Variants in OSMR observed in about 807,000 individuals in gnomAD.
OSMR encodes the protein oncostatin-M-specific receptor subunit beta.
In OSMR, 81 loss-of-function variants were observed where a neutral mutation model predicts 99.9. The ratio of observed to expected loss-of-function variants is 0.81; its 90% confidence interval spans 0.68 to 0.97. The LOEUF is 0.97. OSMR is among the 50% of genes least tolerant of loss of function. OSMR has a pLI of 0.00. For missense variants in OSMR, 1,099 were observed against 1,153.4 expected (o/e 0.95, Z 0.68); for synonymous variants, 406 against 410.4 (o/e 0.99, Z 0.13).
chr5:38,926,677 AAGATG>A (rs1273472434), intron 15 of OSMR, among the ~76,000 whole-genome samples: 1 of 152,200 alleles, frequency 6.6e-6, no homozygotes, highest in Non-Finnish European at 1.5e-5. Context: ...GCTGAAATAT[AAGATG>A]AGATTTGGGT....
intron 13 of OSMR, 34 bp downstream of exon 13, chr5:38,923,288 A>T: frequency 7.9e-7 from 1 of 1,262,146 alleles, no homozygotes; most frequent in Non-Finnish European, 1.2e-6. Flanking sequence ...CCCCATGTGC[A>T]GACTTGTTCA....
chr5:38,942,449 C>A, intron 1 of OSMR: 14 of 790,974 alleles, frequency 1.8e-5, no homozygotes, highest in Non-Finnish European at 2.7e-5. Flanking sequence ...ATATAAATAT[C>A]TAATTTTTTT....
chr5:38,899,029 T>C (rs6890566), intron 7 of OSMR, among the ~76,000 whole-genome samples: 43,132 of 147,920 alleles, frequency 0.29, 6,964 homozygotes, highest in East Asian at 0.5. Flanking sequence ...GGTGCGATTT[T>C]AGCTCACTGC....
chr5:38,921,377 G>T, intron 11 of OSMR: 2 of 477,690 alleles, frequency 4.2e-6, no homozygotes, highest in Non-Finnish European at 5.5e-6. Context: ...AAGTCTGGTT[G>T]GGCTTCAGAA....
chr5:38,942,725 G>T, intron 1 of OSMR: 2 of 876,222 alleles, frequency 2.3e-6, no homozygotes, highest in Non-Finnish European at 3.6e-6. Flanking sequence ...CAAAGTGCTG[G>T]GATTGTAGGC....
intron 13 of OSMR, 152 bp from the exon 14 acceptor site, chr5:38,924,270 C>A (rs1339621374): frequency 1.3e-6 from 2 of 1,494,076 alleles, no homozygotes; most frequent in Non-Finnish European, 1.8e-6. Context: ...TGTCAAGGCA[C>A]AAATCCTCTA....
At position 38,883,872 on chromosome 5, in the gene OSMR, A is replaced by C. The variant is rs1435237716; in HGVS notation, c.464A>C (p.Asp155Ala). The change falls in exon 5 of 18, where the codon GAT becomes GCT. Residue 155 changes from aspartate to alanine, a missense_variant. Asp to Ala is a moderately radical substitution (Grantham distance 126). Coordinates refer to ENST00000274276, the MANE Select transcript of OSMR (RefSeq NM_003999.3). Reference protein sequence around the residue: ...GQDILFVFPKDKLVEEGTNVT... With the variant: ...GQDILFVFPKAKLVEEGTNVT... ...GATATATTGTTCGTTTTCCCTAAAG[A>C]TAAGCTGGTGGAAGAAGGCACCAAT... 4 of 1,613,676 alleles carry C rather than the reference A, an allele frequency of 2.5e-6. No homozygotes were observed. The African/African-American group carries it at 4.0e-5, about 16-fold the overall frequency.
At chr5:38,936,010 C>G (rs1320251521), downstream of OSMR, among the ~76,000 whole-genome samples, 2 of 152,130 alleles carry the variant, frequency 1.3e-5, no homozygotes, top group African/African-American at 4.8e-5. Context: ...ACGTTCAAAA[C>G]CTTAGTTTTC....
intron 13 of OSMR, among the ~76,000 whole-genome samples, chr5:38,924,112 C>CT (rs971346246): frequency 2.6e-5 from 4 of 151,894 alleles, no homozygotes; most frequent in South Asian, 2.1e-4. Context: ...ATTAAGTCTC[C>CT]TTTTTTTTAG....
intron 1 of OSMR, among the ~76,000 whole-genome samples, chr5:38,862,930 G>A (rs1264493089): frequency 1.8e-4 from 28 of 152,098 alleles, no homozygotes; most frequent in Admixed American, 1.8e-3. Context: ...GGGAGGCCGA[G>A]GCTGGCGGAT....
intron 2 of OSMR, among the ~76,000 whole-genome samples, chr5:38,874,991 A>G (rs1447392736): frequency 6.6e-6 from 1 of 152,176 alleles, no homozygotes; most frequent in East Asian, 1.9e-4. Context: ...ATTTGGGGAC[A>G]TTTTTTCAGT....
intron 9 of OSMR, among the ~76,000 whole-genome samples, chr5:38,909,854 C>A (rs1745460383): frequency 6.6e-6 from 1 of 152,166 alleles, no homozygotes. Flanking sequence ...AAGACAATGA[C>A]AGGATCAAAT....
intron 9 of OSMR, among the ~76,000 whole-genome samples, chr5:38,916,024 C>T (rs1218478617): frequency 6.6e-6 from 1 of 152,116 alleles, no homozygotes; most frequent in Non-Finnish European, 1.5e-5. Context: ...CTTTTGACTA[C>T]TTCTTGTTGT....
In OSMR at chr5:38,904,410, A is replaced by C; in HGVS notation, c.1192A>C (p.Thr398Pro). 1 of 1,614,182 alleles carries C rather than the reference A, an allele frequency of 6.2e-7. No individual in the cohort carries two copies. The highest frequency in any genetic ancestry group is 8.5e-7 in the Non-Finnish European group (1 of 1,180,022). ...CTTCTTAAGTGAACTGGAACCTGCC[A>C]CAGAGTACATGGCGCGAGTACGGTG... ...EYFLSELEPA[T>P]EYMARVRCAD... Residue 398 changes from threonine to proline, a missense_variant, in exon 9 of 18, where the codon ACA (threonine) becomes CCA (proline). Physicochemically the swap from Thr to Pro is conservative, Grantham distance 38. Transcript: ENST00000274276.
At chr5:38,911,534 T>A (rs74520511) in intron 9 of OSMR, among the ~76,000 whole-genome samples, 2,215 of 152,126 alleles carry the variant, frequency 0.015, 47 homozygotes, top group East Asian at 0.056. Context: ...AAAAACTGAG[T>A]TGGGGGACTC....
chr5:38,908,228 T>C (rs1052524088), intron 9 of OSMR, among the ~76,000 whole-genome samples: 1 of 152,180 alleles, frequency 6.6e-6, no homozygotes, highest in Non-Finnish European at 1.5e-5. Flanking sequence ...ACCCCTGCAC[T>C]GCCACTGCTG....
chr5:38,932,286 T>C (rs1357699723), intron 16 of OSMR, among the ~76,000 whole-genome samples, 177 bp from the exon 17 acceptor site: 1 of 152,214 alleles, frequency 6.6e-6, no homozygotes, highest in East Asian at 1.9e-4. Flanking sequence ...GGGGACACTA[T>C]AAGTACCATA....
At chr5:38,865,286 G>A (rs1579652015) in intron 1 of OSMR, among the ~76,000 whole-genome samples, 1 of 152,152 alleles carries the variant, frequency 6.6e-6, no homozygotes, top group South Asian at 2.1e-4. Context: ...TCCTTTGGAG[G>A]TATCACGTTT....
At chr5:38,891,013 G>A (rs1044922519) in intron 7 of OSMR, among the ~76,000 whole-genome samples, 3 of 152,214 alleles carry the variant, frequency 2.0e-5, no homozygotes, top group South Asian at 4.2e-4. Context: ...GGAATGACAG[G>A]GATTTAGACC....
Sources: gnomAD v4.1 joint callset for allele counts (sites outside exome capture counted in the v4.1 genomes callset) on GRCh38, gnomAD v4.1.1 for gene constraint, MANE v1.5 for transcripts, NCBI Gene and HGNC (gene_info 2026-07-23, HGNC 2026-07-21) for gene names.